SPSB4: variants seen among roughly 807,000 people sequenced by gnomAD.
The protein encoded by SPSB4 is splA/ryanodine receptor domain and SOCS box containing 4.
Under a neutral mutation model 20.9 loss-of-function variants are expected in SPSB4, and 21 were observed. The observed-to-expected ratio is 1.01, with a 90% CI of 0.71 to 1.45. The LOEUF (loss-of-function observed/expected upper bound fraction) is 1.45. Among genes scored for constraint, SPSB4 ranks in the 40% most tolerant of loss-of-function variants. The probability of loss-of-function intolerance (pLI) is 0.00; values close to 1 mark genes in which losing one functional copy is unlikely to be tolerated. For synonymous variants in SPSB4, 207 were observed against 183.8 expected, an observed-to-expected ratio of 1.13 and a Z score of -1.02; for missense variants, 399 against 399.2, an observed-to-expected ratio of 1.00 and a Z score of 0.00.
intron 2 of SPSB4, among the ~76,000 whole-genome samples, chr3:141,093,414 A>G (rs1938492226): frequency 6.6e-6 from 1 of 152,034 alleles, no homozygotes; most frequent in South Asian, 2.1e-4. Context: ...TAACTTTCCC[A>G]AGGTCACCCA....
At chr3:141,064,918 A>G (rs186785429) in intron 1 of SPSB4, among the ~76,000 whole-genome samples, 32 of 152,256 alleles carry the variant, frequency 2.1e-4, no homozygotes, top group African/African-American at 7.7e-4. Context: ...CAGTGCTGTT[A>G]ATGGTATTTA....
intron 2 of SPSB4, among the ~76,000 whole-genome samples, chr3:141,144,750 A>T (rs533101933): frequency 6.6e-6 from 1 of 152,376 alleles, no homozygotes; most frequent in Non-Finnish European, 1.5e-5. Context: ...GATAAAAGAC[A>T]TTCTGTCCTC....
At chr3:141,124,967 C>T (rs566322580) in intron 2 of SPSB4, among the ~76,000 whole-genome samples, 46 of 152,154 alleles carry the variant, frequency 3.0e-4, no homozygotes, top group Non-Finnish European at 2.9e-4. Flanking sequence ...ATCACGTAGC[C>T]AGGCTAACGA....
At chr3:141,110,567 G>C (rs1466522219) in intron 2 of SPSB4, among the ~76,000 whole-genome samples, 1 of 152,212 alleles carries the variant, frequency 6.6e-6, no homozygotes, top group East Asian at 1.9e-4. Flanking sequence ...ACAAAGGTTT[G>C]TTTTTGCCCA....
At chr3:141,109,252 G>T (rs1037573282) in intron 2 of SPSB4, among the ~76,000 whole-genome samples, 1 of 152,020 alleles carries the variant, frequency 6.6e-6, no homozygotes, top group Admixed American at 6.5e-5. Flanking sequence ...CATGCACCTT[G>T]CTTCCATCAC....
intron 2 of SPSB4, 113 bp from the exon 3 acceptor site, chr3:141,147,029 A>C (rs961818519): frequency 1.1e-5 from 16 of 1,440,474 alleles, no homozygotes; most frequent in Non-Finnish European, 1.5e-5. Context: ...GAAGCCATTG[A>C]CCCTGAAGGC....
At chr3:141,141,280 AG>A (rs1939323270) in intron 2 of SPSB4, among the ~76,000 whole-genome samples, 1 of 152,194 alleles carries the variant, frequency 6.6e-6, no homozygotes, top group Non-Finnish European at 1.5e-5. Flanking sequence ...TGCACTTCCC[AG>A]GTGAGGCGAC....
chr3:141,095,188 G>C (rs1009891872), intron 2 of SPSB4, among the ~76,000 whole-genome samples: 3 of 152,166 alleles, frequency 2.0e-5, no homozygotes, highest in Non-Finnish European at 1.5e-5. Context: ...TGCGTCCTAG[G>C]TGTGCGGGTG....
At chr3:141,144,300 G>T (rs1471108058) in intron 2 of SPSB4, among the ~76,000 whole-genome samples, 1 of 152,176 alleles carries the variant, frequency 6.6e-6, no homozygotes, top group Non-Finnish European at 1.5e-5. Context: ...TTTTACATAT[G>T]TTTATTGGCC....
rs928947951 is a variant in SPSB4, at chr3:141,147,894, A to G, written c.*625A>G. 6.5e-6 allele frequency: 1 copy of G among 152,964 alleles called. No individual in the cohort carries two copies. The highest frequency in any genetic ancestry group is 2.4e-5 in the African/African-American group (1 of 41,440). 9.5% of individuals were successfully genotyped at this position (152,964 alleles called of 1,614,324 possible). A position where few individuals can be genotyped will look rare whatever the true frequency, so the allele number is the denominator to read the frequency against. ...CGGCTTACCTCTTTGAACGTTGTTT[A>G]CCTACCCCTTTCCACGTGCTCCCCT... On this transcript the variant is annotated 3_prime_UTR_variant, in exon 3 of 3. Coordinates refer to ENST00000310546, the MANE Select transcript of SPSB4 (RefSeq NM_080862.3).
At chr3:141,087,778 T>A (rs1938373281) in intron 2 of SPSB4, among the ~76,000 whole-genome samples, 1 of 151,966 alleles carries the variant, frequency 6.6e-6, no homozygotes, top group South Asian at 2.1e-4. Flanking sequence ...AGAGGAGGAA[T>A]GGGAGGGGAT....
rs138703686 is a variant in SPSB4, at chr3:141,065,682, C to A, written c.-153-270C>A. ...GGGACTTCGGCTAATCGCTTATCCTCTCTCTGACTTCAGTGTTCTCATCTG... is the reference window on the plus strand; with the variant it reads ...GGGACTTCGGCTAATCGCTTATCCTATCTCTGACTTCAGTGTTCTCATCTG... On this transcript the variant is annotated intron_variant, in intron 1 of 2. Transcript: ENST00000310546. 1.7e-4 allele frequency among the ~76,000 whole-genome samples: 26 copies of A among 152,358 alleles called. No homozygotes were observed. In the East Asian group the frequency reaches 5.0e-3, roughly 29 times the overall value.
rs1348926615 is a variant in SPSB4, at chr3:141,138,766, A to G, written c.695-8376A>G. On this transcript the variant is annotated intron_variant, in intron 2 of 2. Transcript: ENST00000310546. ...TGTTTTACTTCCAAGTATGTGGTCAATTTTGGAATAGGTGTGGTGTGGTAC... is the reference window on the plus strand; with the variant it reads ...TGTTTTACTTCCAAGTATGTGGTCAGTTTTGGAATAGGTGTGGTGTGGTAC... 6.6e-5 allele frequency among the ~76,000 whole-genome samples: 10 copies of G among 152,280 alleles called. No individual in the cohort carries two copies. The South Asian group carries it at 1.0e-3, about 16-fold the overall frequency.
chr3:141,083,291 C>A (rs568929687), intron 2 of SPSB4, among the ~76,000 whole-genome samples: 14 of 152,148 alleles, frequency 9.2e-5, no homozygotes, highest in Non-Finnish European at 1.9e-4. Context: ...GTTTGGAGGG[C>A]CCATGGGGAC....
At chr3:141,135,444 C>T (rs1360531785) in intron 2 of SPSB4, among the ~76,000 whole-genome samples, 2 of 151,778 alleles carry the variant, frequency 1.3e-5, no homozygotes, top group Non-Finnish European at 2.9e-5. Context: ...GTGCTGCACC[C>T]ATTAACTCAT....
chr3:141,136,041 G>C (rs1939222174), intron 2 of SPSB4, among the ~76,000 whole-genome samples: 1 of 152,084 alleles, frequency 6.6e-6, no homozygotes, highest in African/African-American at 2.4e-5. Flanking sequence ...CATTCTAACT[G>C]GTGTGAGATG....
At chr3:141,144,201 T>A (rs953437711) in intron 2 of SPSB4, among the ~76,000 whole-genome samples, 1 of 152,250 alleles carries the variant, frequency 6.6e-6, no homozygotes, top group Admixed American at 6.5e-5. Flanking sequence ...AAAGAGGATA[T>A]CATCATTTTA....
Position 141,148,188 on chromosome 3 carries a change from G to A in SPSB4, c.*919G>A, listed in dbSNP as rs1172570338. 6.5e-6 allele frequency: 1 copy of A among 152,790 alleles called. No homozygotes were observed. Among genetic ancestry groups the A allele is most frequent in the Non-Finnish European group, 1.5e-5 (1 of 68,174 alleles). The allele number at this position is 152,790 out of a possible 1,614,324, so 9.5% of individuals were successfully genotyped here. A position where few individuals can be genotyped will look rare whatever the true frequency, so the allele number is the denominator to read the frequency against. On this transcript the variant is annotated 3_prime_UTR_variant, in exon 3 of 3. Coordinates refer to ENST00000310546, the MANE Select transcript of SPSB4 (RefSeq NM_080862.3). This position sits in a 1 kb window ranked among gnomAD's most constrained non-coding sequence, Gnocchi z 4.5. Reference sequence around the variant, plus strand: ...TCTCTGGGCAACGTCCATTCAGGGTGCGGCATGGCTGTCACAAAGCTTTAT... The same window carrying A: ...TCTCTGGGCAACGTCCATTCAGGGTACGGCATGGCTGTCACAAAGCTTTAT...
At position 141,066,447 on chromosome 3, in the gene SPSB4, G is replaced by A; in HGVS notation, c.343G>A (p.Val115Ile). The A allele has an allele frequency of 6.6e-7, 1 of 1,504,972 alleles. No individual in the cohort carries two copies. The highest frequency in any genetic ancestry group is 8.9e-7 in the Non-Finnish European group (1 of 1,127,678). The allele number at this position is 1,504,972 out of a possible 1,614,324, so 93.2% of individuals were successfully genotyped here. A position where few individuals can be genotyped will look rare whatever the true frequency, so the allele number is the denominator to read the frequency against. Residue 115 changes from valine (V) to isoleucine (I), a missense_variant, in exon 2 of 3, where the codon GTT becomes ATT. Physicochemically the swap from Val to Ile is conservative, Grantham distance 29. Transcript: ENST00000310546. ...PARQRGTHAV[V>I]GVATARAPLH... ...TCGGCAGCGCGGCACCCACGCTGTAGTTGGTGTGGCCACGGCCCGTGCTCC... is the reference window on the plus strand; with the variant it reads ...TCGGCAGCGCGGCACCCACGCTGTAATTGGTGTGGCCACGGCCCGTGCTCC...
Sources: gnomAD v4.1 joint callset for allele counts (sites outside exome capture counted in the v4.1 genomes callset) on GRCh38, gnomAD v4.1.1 for gene constraint, Gnocchi (gnomAD v3.1) non-coding constraint, MANE v1.5 for transcripts, NCBI Gene and HGNC (gene_info 2026-07-23, HGNC 2026-07-21) for gene names.